ASB3: variants seen among roughly 807,000 people sequenced by gnomAD.
ASB3 encodes the protein ankyrin repeat and SOCS box protein 3.
Under a neutral mutation model 54.5 loss-of-function variants are expected in ASB3, and 41 were observed. The ratio of observed to expected loss-of-function variants is 0.75; its 90% confidence interval spans 0.59 to 0.98. The LOEUF (loss-of-function observed/expected upper bound fraction) is 0.98, where lower values mean the gene tolerates loss of function less well. Among genes scored for constraint, ASB3 ranks in the 50% least tolerant of loss-of-function variants. The probability of loss-of-function intolerance (pLI) is 0.00; values close to 1 mark genes in which losing one functional copy is unlikely to be tolerated. For missense variants in ASB3, 733 were observed against 620.0 expected (o/e 1.18, Z -1.94); for synonymous variants, 266 against 221.2 (o/e 1.20, Z -1.80).
chr2:53,754,717 T>C (rs761025684), intron 2 of ASB3, among the ~76,000 whole-genome samples: 2 of 152,156 alleles, frequency 1.3e-5, no homozygotes, highest in East Asian at 3.9e-4. Context: ...CAACTCTCAA[T>C]AGGGTTCAAT....
intron 8 of ASB3, among the ~76,000 whole-genome samples, chr2:53,697,926 T>C (rs1368632732): frequency 6.6e-6 from 1 of 152,212 alleles, no homozygotes. Flanking sequence ...TGGCACTTCA[T>C]GCTGGTAGCT....
chr2:53,766,384 C>T (rs1233259021), intron 1 of ASB3, among the ~76,000 whole-genome samples: 1 of 152,184 alleles, frequency 6.6e-6, no homozygotes, highest in Non-Finnish European at 1.5e-5. Context: ...CTCTATGAAG[C>T]AGTTTGGATA....
intron 3 of ASB3, among the ~76,000 whole-genome samples, chr2:53,734,555 CAA>C (rs1181577086): frequency 2.6e-5 from 4 of 152,136 alleles, no homozygotes; most frequent in African/African-American, 9.7e-5. Context: ...CAGAAGTGAA[CAA>C]GAGACAAAAA....
At chr2:53,681,936 G>C (rs191305415) in intron 9 of ASB3, among the ~76,000 whole-genome samples, 1 of 151,956 alleles carries the variant, frequency 6.6e-6, no homozygotes, top group Non-Finnish European at 1.5e-5. Context: ...GAGGTGGGTG[G>C]ATCACAAAGT....
In ASB3 at chr2:53,727,705, A is replaced by G. The variant is rs115257224; in HGVS notation, c.604+1007T>C. On this transcript the variant is annotated intron_variant, in intron 5 of 9. Transcript: ENST00000263634. ...TTTTCTATTTAAAGGAAGTTTATAAAAAGCCTGGGTTTTCTTTCTTTCTTT... is the reference window on the plus strand; with the variant it reads ...TTTTCTATTTAAAGGAAGTTTATAAGAAGCCTGGGTTTTCTTTCTTTCTTT... Among the ~76,000 whole-genome samples, 485 of 152,162 alleles carry G rather than the reference A, an allele frequency of 3.2e-3. 4 individuals carry two copies. The highest frequency in any genetic ancestry group is 0.011 in the African/African-American group (469 of 41,532).
chr2:53,670,468 GA>G lies in ASB3; in HGVS notation c.*34del, dbSNP rs756842251. On this transcript the variant is annotated 3_prime_UTR_variant, in exon 10 of 10. Coordinates refer to ENST00000263634, the MANE Select transcript of ASB3 (RefSeq NM_016115.5). ...TCTTTTGTCTCGATGATTTTTCAGA[GA>G]AAAAAATTAGCTGTGTTAAGTAGTT... 8.8e-6 allele frequency: 14 copies of G among 1,591,816 alleles called. No individual in the cohort carries two copies. The highest frequency in any genetic ancestry group is 6.7e-5 in the East Asian group (3 of 44,624).
chr2:53,756,961 C>T, intron 2 of ASB3: 1 of 165,796 alleles, frequency 6.0e-6, no homozygotes, highest in Non-Finnish European at 1.3e-5. Flanking sequence ...GTAACACTCA[C>T]CGCATGACCC....
chr2:53,711,910 GT>G (rs1354010427), intron 7 of ASB3, among the ~76,000 whole-genome samples: 4 of 152,058 alleles, frequency 2.6e-5, no homozygotes, highest in Non-Finnish European at 5.9e-5. Context: ...TTTGACCACA[GT>G]TTTTTGTAGT....
In ASB3 at chr2:53,670,542, C is replaced by T. The variant is rs368092137; in HGVS notation, c.1518G>A (p.Met506Ile). The change falls in exon 10 of 10, where the codon ATG (methionine) becomes ATA (isoleucine). Residue 506 changes from methionine to isoleucine, a missense_variant. By Grantham distance (10) the Met-to-Ile change is conservative. Transcript: ENST00000263634. ...NYLLYEDVLR[M>I]YEVPELAAIQ... ...TAGCTGCCAGTTCTGGAACTTCATACATCCTCAGAACGTCTTCATAGAGCA... is the reference window on the plus strand; with the variant it reads ...TAGCTGCCAGTTCTGGAACTTCATATATCCTCAGAACGTCTTCATAGAGCA... The T allele has an allele frequency of 2.5e-6, 4 of 1,613,834 alleles. No individual in the cohort carries two copies. The African/African-American group carries it at 5.3e-5, about 22-fold the overall frequency.
intron 5 of ASB3, among the ~76,000 whole-genome samples, chr2:53,721,289 T>C (rs1390103362): frequency 6.6e-6 from 1 of 151,090 alleles, no homozygotes; most frequent in Non-Finnish European, 1.5e-5. Flanking sequence ...GCACAGTGGT[T>C]CACGCCTGTA....
chr2:53,777,729 T>C (rs1558578774), intron 1 of ASB3, among the ~76,000 whole-genome samples: 1 of 152,268 alleles, frequency 6.6e-6, no homozygotes, highest in African/African-American at 2.4e-5. Context: ...GATACTCATA[T>C]CAATTTATAA....
chr2:53,774,484 A>G, intron 1 of ASB3: 1 of 1,582,626 alleles, frequency 6.3e-7, no homozygotes, highest in Non-Finnish European at 8.6e-7. Context: ...AAAATTAGTA[A>G]AGGAACGTTT....
At chr2:53,739,686 T>C (rs554998306) in intron 3 of ASB3, among the ~76,000 whole-genome samples, 2 of 152,268 alleles carry the variant, frequency 1.3e-5, no homozygotes, top group East Asian at 3.9e-4. Context: ...TTGTTTTGTT[T>C]TGTTCTTAAG....
intron 1 of ASB3, among the ~76,000 whole-genome samples, chr2:53,780,007 A>G (rs893865298): frequency 6.6e-6 from 1 of 152,204 alleles, no homozygotes; most frequent in Non-Finnish European, 1.5e-5. Context: ...ATGCTGAAAG[A>G]TTCTCAACTA....
intron 8 of ASB3, chr2:53,694,267 G>A (rs1669069337): frequency 2.9e-6 from 1 of 346,768 alleles, no homozygotes; most frequent in African/African-American, 2.1e-5. Flanking sequence ...AGAGAGAGTA[G>A]GAACTTTCCT....
intron 5 of ASB3, among the ~76,000 whole-genome samples, chr2:53,724,960 C>A (rs1195505752): frequency 2.6e-5 from 4 of 152,082 alleles, no homozygotes; most frequent in Non-Finnish European, 5.9e-5. Flanking sequence ...AATCATTCAA[C>A]AAAAATATAC....
intron 9 of ASB3, among the ~76,000 whole-genome samples, chr2:53,683,416 T>G (rs12614610): frequency 0.1 from 12,137 of 116,384 alleles, 525 homozygotes; most frequent in East Asian, 0.17. Flanking sequence ...GCCTGTAGTG[T>G]TTTTTTTTTG....
chr2:53,776,167 A>G (rs967910275), intron 1 of ASB3, among the ~76,000 whole-genome samples: 2 of 152,212 alleles, frequency 1.3e-5, no homozygotes, highest in Non-Finnish European at 2.9e-5. Flanking sequence ...GCTGTCCTAC[A>G]TGTCCTTTTC....
chr2:53,737,746 A>C (rs1671723372), intron 3 of ASB3, among the ~76,000 whole-genome samples: 1 of 149,116 alleles, frequency 6.7e-6, no homozygotes, highest in Admixed American at 6.7e-5. Flanking sequence ...AAAAAAAAAG[A>C]CTGCCACAAA....
Sources: allele counts gnomAD v4.1 joint callset (sites outside exome capture counted in the v4.1 genomes callset), GRCh38; gene constraint gnomAD v4.1.1; transcripts MANE v1.5; gene names NCBI Gene and HGNC (gene_info 2026-07-23, HGNC 2026-07-21).